The following ZNF436 variants were observed in gnomAD, a reference collection of about 807,000 sequenced individuals.
The protein encoded by ZNF436 is zinc finger protein 436, also known as DNA-binding protein.
Under a neutral mutation model 41.9 loss-of-function variants are expected in ZNF436, and 22 were observed. That is an observed-to-expected ratio of 0.53 (90% confidence interval 0.38 to 0.75). The LOEUF (loss-of-function observed/expected upper bound fraction) is 0.75. Ranked by LOEUF, ZNF436 falls within the 30% of genes least tolerant of loss-of-function variation. The probability of loss-of-function intolerance (pLI) is 0.00; values close to 1 mark genes in which losing one functional copy is unlikely to be tolerated. For synonymous variants in ZNF436, 217 were observed against 197.8 expected (o/e 1.10, Z -0.82); for missense variants, 506 against 587.3 (o/e 0.86, Z 1.43).
rs769204946 is a variant in ZNF436, at chr1:23,367,993, G to C, written c.13C>G (p.Leu5Val). 1.2e-6 allele frequency: 2 copies of C among 1,614,156 alleles called. No homozygotes were observed. The highest frequency in any genetic ancestry group is 1.1e-5 in the South Asian group (1 of 91,092). ...CTTACCTGGGACCCAGCCATGAGCAGGGTGGCTGCCATCTCGAGCACAAGG... is the reference window on the plus strand; with the variant it reads ...CTTACCTGGGACCCAGCCATGAGCACGGTGGCTGCCATCTCGAGCACAAGG... Reference protein sequence around the residue: MAATLLMAGSQAPVT... With the variant: MAATVLMAGSQAPVT... The change falls in exon 2 of 4, where the codon CTG (leucine) becomes GTG (valine). Residue 5 changes from leucine to valine, a missense_variant. Physicochemically the swap from Leu to Val is conservative, Grantham distance 32. Transcript: ENST00000314011.
chr1:23,362,399 T>C lies in ZNF436; in HGVS notation c.983A>G (p.His328Arg). 1 of 1,614,158 alleles carries C rather than the reference T, an allele frequency of 6.2e-7. No homozygotes were observed. The highest frequency in any genetic ancestry group is 2.2e-5 in the East Asian group (1 of 44,876). ...ACAGTGGTATGGCTTCTCTCCCGTG[T>C]GGGCTCTGCGATGACGCACAAGGTC... is the stretch of plus-strand genomic sequence containing the variant. ...NSDLVRHRRA[H>R]TGEKPYHCNE... Residue 328 changes from histidine to arginine, a missense_variant, in exon 4 of 4, where the codon CAC (histidine) becomes CGC (arginine). Physicochemically the swap from His to Arg is conservative, Grantham distance 29 (BLOSUM62 0). Around this residue, in one of 2 missense-constraint regions of ZNF436, gnomAD observed 278 missense variants for 372.1 expected, o/e 0.75. Coordinates refer to ENST00000314011, the MANE Select transcript of ZNF436 (RefSeq NM_001077195.2).
chr1:23,365,121 C>T (rs1031154399), intron 3 of ZNF436, among the ~76,000 whole-genome samples: 3 of 151,844 alleles, frequency 2.0e-5, no homozygotes, highest in Admixed American at 1.3e-4. Flanking sequence ...AGGCCGGGCG[C>T]GGTGGCTCAC....
chr1:23,362,287 A>G lies in ZNF436; in HGVS notation c.1095T>C (p.Asn365=), dbSNP rs780719986. ...THTGEKPYEC[N]ACGKSFSRSS... ...TCCGGCTGAAGCTTTTCCCACAAGC[A>G]TTGCATTCATATGGCTTCTCTCCAG... Residue 365 remains asparagine (N), a synonymous_variant, in exon 4 of 4, where the codon AAT becomes AAC. Transcript: ENST00000314011. 85 of 1,606,166 alleles carry G rather than the reference A, an allele frequency of 5.3e-5. No individual in the cohort carries two copies. The highest frequency in any genetic ancestry group is 7.0e-5 in the Non-Finnish European group (83 of 1,177,772).
intron 3 of ZNF436, among the ~76,000 whole-genome samples, chr1:23,364,339 G>A (rs1216348694): frequency 6.6e-6 from 1 of 152,196 alleles, no homozygotes; most frequent in African/African-American, 2.4e-5. Flanking sequence ...CTGGGTTCAA[G>A]CGATTCTCCT....
chr1:23,361,389 G>A lies in ZNF436; in HGVS notation c.*580C>T, dbSNP rs544052080. On this transcript the variant is annotated 3_prime_UTR_variant, in exon 4 of 4. Transcript: ENST00000314011. ...TTTAAAGGAGCTAATTAGAAACAAT[G>A]AGAAGGAGAAAAGTTACAATCATTG... 1.3e-5 allele frequency: 2 copies of A among 152,888 alleles called. No individual in the cohort carries two copies. Among genetic ancestry groups the A allele is most frequent in the Admixed American group, 6.5e-5 (1 of 15,292 alleles). 9.5% of individuals were successfully genotyped at this position (152,888 alleles called of 1,614,324 possible).
rs760327217 is a variant in ZNF436 at position 23,362,492 on chromosome 1, T to C, written c.890A>G (p.Tyr297Cys). ...FSERSDLIKH[Y>C]RVHTGERPYK... ...GGGCCTCTCCCCTGTGTGGACTCGA[T>C]AGTGTTTGATGAGATCAGATCTCTC... The change falls in exon 4 of 4, where the codon TAT becomes TGT. Residue 297 changes from tyrosine to cysteine, a missense_variant. Coordinates refer to ENST00000314011, the MANE Select transcript of ZNF436 (RefSeq NM_001077195.2). The C allele has an allele frequency of 3.7e-6, 6 of 1,614,188 alleles. No homozygotes were observed. In the East Asian group the frequency reaches 6.7e-5, roughly 18 times the overall value.
In ZNF436 at chr1:23,367,093, C is replaced by A. The variant is rs376193389; in HGVS notation, c.109G>T (p.Asp37Tyr). 2.1e-5 allele frequency: 34 copies of A among 1,613,800 alleles called. No individual in the cohort carries two copies. The highest frequency in any genetic ancestry group is 2.7e-5 in the Non-Finnish European group (32 of 1,179,892). ...EWRPLDAAQRDLYRDVMQENY... is the reference protein window; with the variant it reads ...EWRPLDAAQRYLYRDVMQENY... The stretch of plus-strand genomic sequence containing the variant: ...TCCTGCATAACATCCCGGTAAAGGT[C>A]CCTCTGTGCAGCGTCCAGAGGTCTC... Residue 37 changes from aspartate (D) to tyrosine (Y), a missense_variant, in exon 3 of 4, where the codon GAC becomes TAC. Transcript: ENST00000314011.
intron 2 of ZNF436, among the ~76,000 whole-genome samples, 166 bp from the exon 3 acceptor site, chr1:23,367,334 T>G (rs1195668929): frequency 6.6e-6 from 1 of 152,238 alleles, no homozygotes. Context: ...CAGCAATTTA[T>G]GAGCTGATTG....
chr1:23,362,895 C>T lies in ZNF436; in HGVS notation c.487G>A (p.Asp163Asn). The change falls in exon 4 of 4, where the codon GAC becomes AAC. Residue 163 changes from aspartate to asparagine, a missense_variant. This residue lies in a region of ZNF436 where 228 missense variants were observed against 215.1 expected (regional missense o/e 1.06). Coordinates refer to ENST00000314011, the MANE Select transcript of ZNF436 (RefSeq NM_001077195.2). Reference sequence around the variant, plus strand: ...CATTCATAACATTTATAGGGTCTGTCTCCAGTGTGGGTCTTCTGATGTCGA... The same window carrying T: ...CATTCATAACATTTATAGGGTCTGTTTCCAGTGTGGGTCTTCTGATGTCGA... Reference protein sequence around the residue: ...LNRHQKTHTGDRPYKCYECGK... With the variant: ...LNRHQKTHTGNRPYKCYECGK... The T allele has an allele frequency of 6.2e-7, 1 of 1,614,230 alleles. No individual in the cohort carries two copies. The highest frequency in any genetic ancestry group is 8.5e-7 in the Non-Finnish European group (1 of 1,180,050).
At chr1:23,367,888 T>C (rs1419801996) in intron 2 of ZNF436, 85 bp downstream of exon 2, 21 of 1,493,014 alleles carry the variant, frequency 1.4e-5, no homozygotes, top group Non-Finnish European at 1.9e-5. Flanking sequence ...TCCCAGGGAA[T>C]TTCCCACAGG....
In ZNF436 at chr1:23,369,468, A is replaced by G. The variant is rs1434163169; in HGVS notation, c.-163T>C. The G allele has an allele frequency of 7.5e-6, 4 of 532,408 alleles. No individual in the cohort carries two copies. The highest frequency in any genetic ancestry group is 1.6e-5 in the Non-Finnish European group (4 of 258,060). The allele number at this position is 532,408 out of a possible 1,614,324, so 33.0% of individuals were successfully genotyped here. A position where few individuals can be genotyped will look rare whatever the true frequency, so the allele number is the denominator to read the frequency against. Reference sequence around the variant, plus strand: ...GTTCTCTCAGACCTGGCGTTCAGGAAGATTCTAGAGAGCACGGGCAGGTCC... The same window carrying G: ...GTTCTCTCAGACCTGGCGTTCAGGAGGATTCTAGAGAGCACGGGCAGGTCC... On this transcript the variant is annotated 5_prime_UTR_variant, in exon 1 of 4. Transcript: ENST00000314011.
In ZNF436 at chr1:23,361,901, G is replaced by A. The variant is rs1638237488; in HGVS notation, c.*68C>T. 3 of 1,473,004 alleles carry A rather than the reference G, an allele frequency of 2.0e-6. No individual in the cohort carries two copies. Among genetic ancestry groups the A allele is most frequent in the Admixed American group, 4.3e-5 (2 of 46,650 alleles). 91.2% of individuals were successfully genotyped at this position (1,473,004 alleles called of 1,614,324 possible). A position where few individuals can be genotyped will look rare whatever the true frequency, so the allele number is the denominator to read the frequency against. On this transcript the variant is annotated 3_prime_UTR_variant, in exon 4 of 4. Coordinates refer to ENST00000314011, the MANE Select transcript of ZNF436 (RefSeq NM_001077195.2). ...ATGATAAAAGCAGCTCAGTCTTGAG[G>A]GCGTTCATTGATATCAAATAAAATT...
Position 23,362,350 on chromosome 1 carries a change from G to A in ZNF436, c.1032C>T (p.Ser344=). ...GGTGCTGAACCAAGTGTGAGATGCG[G>A]CTGAAATTTTCCCCACATTCGTTAC... ...YHCNECGENF[S]RISHLVQHQR... is the part of the protein sequence containing the mutation. The change falls in exon 4 of 4, where the codon AGC becomes AGT. Residue 344 remains serine (S), a synonymous_variant. Transcript: ENST00000314011. 6.2e-7 allele frequency: 1 copy of A among 1,613,706 alleles called. No individual in the cohort carries two copies. Among genetic ancestry groups the A allele is most frequent in the Non-Finnish European group, 8.5e-7 (1 of 1,179,922 alleles).
Position 23,367,131 on chromosome 1 carries a change from G to A in ZNF436, c.71C>T (p.Thr24Ile). ...GTCCAGAGGTCTCCATTCTTCCCGGGTGAGATACATGGCCATATCTTCAAA... is the reference window on the plus strand; with the variant it reads ...GTCCAGAGGTCTCCATTCTTCCCGGATGAGATACATGGCCATATCTTCAAA... ...VTFEDMAMYL[T>I]REEWRPLDAA... Residue 24 changes from threonine (T) to isoleucine (I), a missense_variant, in exon 3 of 4, where the codon ACC becomes ATC. Thr to Ile is a moderately conservative substitution (Grantham distance 89). Coordinates refer to ENST00000314011, the MANE Select transcript of ZNF436 (RefSeq NM_001077195.2). The A allele has an allele frequency of 6.2e-7, 1 of 1,613,604 alleles. No individual in the cohort carries two copies. Among genetic ancestry groups the A allele is most frequent in the Non-Finnish European group, 8.5e-7 (1 of 1,179,716 alleles).
At position 23,363,124 on chromosome 1, in the gene ZNF436, A is replaced by C. The variant is rs564833787; in HGVS notation, c.258T>G (p.Ala86=). The C allele has an allele frequency of 3.3e-5, 53 of 1,614,200 alleles. No individual in the cohort carries two copies. The East Asian group carries it at 1.1e-3, about 34-fold the overall frequency. The part of the protein sequence containing the change: ...GTTSERPAEN[A]EENPESEEGF... The stretch of plus-strand genomic sequence containing the variant: ...CCTCTTCACTTTCAGGATTTTCCTC[A>C]GCATTCTCAGCAGGTCTTTCAGATG... The change falls in exon 4 of 4, where the codon GCT becomes GCG. Residue 86 remains alanine, a synonymous_variant. Transcript: ENST00000314011.
Position 23,360,517 on chromosome 1 carries a change from T to A in ZNF436, c.*1452A>T, listed in dbSNP as rs1300309653. 9.2e-5 allele frequency: 14 copies of A among 152,308 alleles called. No individual in the cohort carries two copies. The highest frequency in any genetic ancestry group is 8.3e-4 in the South Asian group (4 of 4,828). 9.4% of individuals were successfully genotyped at this position (152,308 alleles called of 1,614,324 possible). ...TTCTTAATTCCTACCTGGACTGAGA[T>A]TAGGAAAACTGACACTACTGGGCTT... On this transcript the variant is annotated 3_prime_UTR_variant, in exon 4 of 4. Coordinates refer to ENST00000314011, the MANE Select transcript of ZNF436 (RefSeq NM_001077195.2).
Position 23,361,817 on chromosome 1 carries a change from G to C in ZNF436, c.*152C>G. The C allele has an allele frequency of 1.3e-6, 1 of 783,732 alleles. No homozygotes were observed. Among genetic ancestry groups the C allele is most frequent in the Admixed American group, 3.2e-5 (1 of 30,940 alleles). The allele number at this position is 783,732 out of a possible 1,614,324, so 48.5% of individuals were successfully genotyped here. ...ATAACATTCCCAAAGCTGAGGGTCAGAATTTCAAATGGCTTGTCATCTCTG... is the reference window on the plus strand; with the variant it reads ...ATAACATTCCCAAAGCTGAGGGTCACAATTTCAAATGGCTTGTCATCTCTG... On this transcript the variant is annotated 3_prime_UTR_variant, in exon 4 of 4. Transcript: ENST00000314011.
intron 3 of ZNF436, among the ~76,000 whole-genome samples, chr1:23,366,415 T>G (rs1345965461): frequency 2.0e-5 from 3 of 152,132 alleles, no homozygotes; most frequent in African/African-American, 7.2e-5. Context: ...TTTATTCTAG[T>G]TACACCCAGA....
rs1344134305 is a variant in ZNF436, at chr1:23,360,131, G to A, written c.*1838C>T. The A allele has an allele frequency of 6.6e-6, 1 of 152,132 alleles. No homozygotes were observed. The highest frequency in any genetic ancestry group is 1.5e-5 in the Non-Finnish European group (1 of 68,032). 9.4% of individuals were successfully genotyped at this position (152,132 alleles called of 1,614,324 possible). ...TAAATAACAAAAAAACATGCTCCTTGCCTGAGTTTGTCCTTAAAAAGGAGT... is the reference window on the plus strand; with the variant it reads ...TAAATAACAAAAAAACATGCTCCTTACCTGAGTTTGTCCTTAAAAAGGAGT... On this transcript the variant is annotated 3_prime_UTR_variant, in exon 4 of 4. Transcript: ENST00000314011.
Sources: gnomAD v4.1 joint callset for allele counts (sites outside exome capture counted in the v4.1 genomes callset) on GRCh38, gnomAD v4.1.1 for gene constraint, gnomAD v4.1.1 regional missense constraint, MANE v1.5 for transcripts, NCBI Gene and HGNC (gene_info 2026-07-23, HGNC 2026-07-21) for gene names.